ATP11A: variants seen among roughly 807,000 people sequenced by gnomAD.
ATP11A encodes phospholipid-transporting ATPase IH.
Under a neutral mutation model 154.4 loss-of-function variants are expected in ATP11A, and 81 were observed. That is an observed-to-expected ratio of 0.52 (90% CI 0.44 to 0.63). The LOEUF (loss-of-function observed/expected upper bound fraction) is 0.63, where lower values mean the gene tolerates loss of function less well. Ranked by LOEUF, ATP11A falls within the 30% of genes least tolerant of loss-of-function variation. ATP11A has a pLI of 0.00. For missense variants in ATP11A, 1,316 were observed against 1,474.3 expected, an observed-to-expected ratio of 0.89 and a Z score of 1.76; for synonymous variants, 623 against 585.9, an observed-to-expected ratio of 1.06 and a Z score of -0.91.
intron 2 of ATP11A, among the ~76,000 whole-genome samples, chr13:112,803,496 C>T (rs545979766): frequency 2.9e-4 from 44 of 152,166 alleles, no homozygotes; most frequent in Non-Finnish European, 4.3e-4. Context: ...CTTCAGGTTT[C>T]GGTAGACTGT....
intron 2 of ATP11A, among the ~76,000 whole-genome samples, chr13:112,797,927 A>C (rs1193889274): frequency 6.6e-6 from 1 of 152,206 alleles, no homozygotes; most frequent in Non-Finnish European, 1.5e-5. Flanking sequence ...ATTTCCCCAC[A>C]GTTCTAGAGT....
Position 112,856,047 on chromosome 13 carries a change from G to A in ATP11A, c.2380G>A (p.Val794Met). 2.5e-6 allele frequency: 4 copies of A among 1,613,902 alleles called. No individual in the cohort carries two copies. Among genetic ancestry groups the A allele is most frequent in the Middle Eastern group, 1.7e-4 (1 of 5,852 alleles). ...GGAAATCTGCCGGAGCTGCAGCGCG[G>A]TGCTCTGCTGCCGCATGGCGCCCTT... ...FLEICRSCSA[V>M]LCCRMAPLQK... The change falls in exon 20 of 30, where the codon GTG becomes ATG. Residue 794 changes from valine to methionine, a missense_variant. Val to Met is a conservative substitution (Grantham distance 21, BLOSUM62 1). Coordinates refer to ENST00000375645, the MANE Select transcript of ATP11A (RefSeq NM_015205.3).
intron 17 of ATP11A, among the ~76,000 whole-genome samples, chr13:112,845,631 C>T (rs1036782961): frequency 8.0e-6 from 1 of 124,906 alleles, no homozygotes; most frequent in Non-Finnish European, 1.6e-5. Context: ...CTAACCAGTC[C>T]AGTTGCCAGC....
At chr13:112,766,039 AC>A (rs2077068831) in intron 1 of ATP11A, among the ~76,000 whole-genome samples, 1 of 152,162 alleles carries the variant, frequency 6.6e-6, no homozygotes, top group African/African-American at 2.4e-5. Context: ...TCCCCCTGTC[AC>A]GGGTTGTAGA....
intron 17 of ATP11A, among the ~76,000 whole-genome samples, chr13:112,849,723 G>C (rs1247356706): frequency 6.6e-6 from 1 of 152,218 alleles, no homozygotes; most frequent in Non-Finnish European, 1.5e-5. Flanking sequence ...CTGTGTGCCA[G>C]GGATTCAGTG....
rs186726596 is a variant in ATP11A at position 112,834,589 on chromosome 13, A to T, written c.1560A>T (p.Arg520Ser). The T allele has an allele frequency of 5.3e-5, 85 of 1,611,890 alleles. No homozygotes were observed. The Admixed American group carries it at 1.4e-3, about 27-fold the overall frequency. ...DEVALVEGVQRLGFTYLRLKD... is the reference protein window; with the variant it reads ...DEVALVEGVQSLGFTYLRLKD... ...CCCGAGGTTTCCCTTCTCATTGCAG[A>T]CTTGGCTTTACCTACCTAAGGCTGA... The change falls in exon 15 of 30, where the codon AGA (arginine) becomes AGT (serine). Residue 520 changes from arginine to serine, a missense_variant and splice_region_variant. Physicochemically the swap from Arg to Ser is moderately radical, Grantham distance 110. Around this residue, in one of 5 missense-constraint regions of ATP11A, gnomAD observed 876 missense variants for 1,006.8 expected, o/e 0.87. Transcript: ENST00000375645.
chr13:112,832,814 G>T, intron 13 of ATP11A, 46 bp from the exon 14 acceptor site: 5 of 1,593,632 alleles, frequency 3.1e-6, no homozygotes, highest in Non-Finnish European at 4.3e-6. Flanking sequence ...TCTATCTTCA[G>T]TGGACGCACC....
At chr13:112,852,346 A>C (rs1443660614) in intron 18 of ATP11A, among the ~76,000 whole-genome samples, 4 of 152,216 alleles carry the variant, frequency 2.6e-5, no homozygotes, top group Non-Finnish European at 5.9e-5. Context: ...AGCGTGTTGA[A>C]CAAATGTTCC....
rs1387531922 is a variant in ATP11A at position 112,864,382 on chromosome 13, G to A, written c.2991+1807G>A. Among the ~76,000 whole-genome samples, 10 of 112,812 alleles carry A rather than the reference G, an allele frequency of 8.9e-5. 2 individuals are homozygous for A. Among genetic ancestry groups the A allele is most frequent in the Non-Finnish European group, 1.3e-4 (7 of 52,804 alleles). The allele number at this position is 112,812 out of a possible 152,430, so 74.0% of individuals were successfully genotyped here. A position where few individuals can be genotyped will look rare whatever the true frequency, so the allele number is the denominator to read the frequency against. ...CCCAGCGGGGATCATCACCACGTGCGCCATAATTCAGCGTAGCGCGTGCAG... is the reference window on the plus strand; with the variant it reads ...CCCAGCGGGGATCATCACCACGTGCACCATAATTCAGCGTAGCGCGTGCAG... On this transcript the variant is annotated intron_variant, in intron 25 of 29. Coordinates refer to ENST00000375645, the MANE Select transcript of ATP11A (RefSeq NM_015205.3).
intron 29 of ATP11A, 110 bp from the exon 30 acceptor site, chr13:112,881,766 A>T: frequency 7.4e-7 from 1 of 1,350,334 alleles, no homozygotes; most frequent in Non-Finnish European, 9.9e-7. Flanking sequence ...CACCCCAGGC[A>T]GCCCCGTGGG....
chr13:112,762,239 C>T (rs1334677290), intron 1 of ATP11A, among the ~76,000 whole-genome samples: 1 of 152,142 alleles, frequency 6.6e-6, no homozygotes, highest in Non-Finnish European at 1.5e-5. Context: ...TCCTGCTGGC[C>T]TCCTATCACA....
chr13:112,713,264 G>C (rs1887973147), intron 1 of ATP11A, among the ~76,000 whole-genome samples: 1 of 152,106 alleles, frequency 6.6e-6, no homozygotes, highest in Non-Finnish European at 1.5e-5. Context: ...GCATGGTGGT[G>C]GGCGCCTGTA....
chr13:112,770,004 T>C (rs964098356), intron 1 of ATP11A, among the ~76,000 whole-genome samples: 7 of 152,256 alleles, frequency 4.6e-5, no homozygotes, highest in African/African-American at 7.2e-5. Flanking sequence ...CTGCATTTCA[T>C]GAGTCCAGCG....
At chr13:112,722,445 T>C (rs1889312003) in intron 1 of ATP11A, among the ~76,000 whole-genome samples, 1 of 152,088 alleles carries the variant, frequency 6.6e-6, no homozygotes, top group Non-Finnish European at 1.5e-5. Flanking sequence ...AGACAGGGCT[T>C]TATCAGGGTA....
At chr13:112,729,297 A>G (rs1407332568) in intron 1 of ATP11A, among the ~76,000 whole-genome samples, 2 of 152,068 alleles carry the variant, frequency 1.3e-5, no homozygotes, top group Admixed American at 6.5e-5. Context: ...ACTCTTTACT[A>G]CGTTTGCTTT....
chr13:112,741,540 A>C (rs1345003730), intron 1 of ATP11A, among the ~76,000 whole-genome samples: 1 of 152,168 alleles, frequency 6.6e-6, no homozygotes, highest in Non-Finnish European at 1.5e-5. Context: ...TGCCCGTTGC[A>C]TCAGCGGTGG....
chr13:112,881,892 G>GCAC lies in ATP11A; in HGVS notation c.*28_*30dup, dbSNP rs769331935. 4 of 1,367,664 alleles carry GCAC rather than the reference G, an allele frequency of 2.9e-6. No individual in the cohort carries two copies. In the African/African-American group the frequency reaches 5.9e-5, roughly 20 times the overall value. The allele number at this position is 1,367,664 out of a possible 1,614,324, so 84.7% of individuals were successfully genotyped here. ...TCTCTGCAGAGCCCAGGCTACCAGA[G>GCAC]CACCTGTCCCTCGGCCGCCTGGTAC... On this transcript the variant is annotated 3_prime_UTR_variant, in exon 30 of 30. Coordinates refer to ENST00000375645, the MANE Select transcript of ATP11A (RefSeq NM_015205.3).
chr13:112,856,745 A>G (rs2079939029), intron 20 of ATP11A: 2 of 152,424 alleles, frequency 1.3e-5, no homozygotes. Flanking sequence ...CACATTTTAG[A>G]TATGATAGGC....
chr13:112,870,397 A>G (rs1468716356), intron 25 of ATP11A, among the ~76,000 whole-genome samples: 1 of 152,160 alleles, frequency 6.6e-6, no homozygotes, highest in Non-Finnish European at 1.5e-5. Context: ...GCTTTTTAAG[A>G]GACAGAGTCT....
Sources: allele counts gnomAD v4.1 joint callset (sites outside exome capture counted in the v4.1 genomes callset), GRCh38; gene constraint gnomAD v4.1.1; regional missense constraint gnomAD v4.1.1; transcripts MANE v1.5; gene names NCBI Gene and HGNC (gene_info 2026-07-23, HGNC 2026-07-21).